BMPR2: variants seen among roughly 807,000 people sequenced by gnomAD.
The protein encoded by BMPR2 is bone morphogenetic protein receptor type 2.
Under a neutral mutation model 100.8 loss-of-function variants are expected in BMPR2, and 29 were observed. The observed-to-expected ratio is 0.29, with a 90% CI of 0.21 to 0.39. The LOEUF (loss-of-function observed/expected upper bound fraction) is 0.39. BMPR2 is among the 10% of genes least tolerant of loss of function. BMPR2 has a pLI of 1.00. For synonymous variants in BMPR2, 382 were observed against 442.3 expected, an observed-to-expected ratio of 0.86 and a Z score of 1.71; for missense variants, 1,011 against 1,274.5, an observed-to-expected ratio of 0.79 and a Z score of 3.15.
chr2:202,439,794 G>C (rs1479782797), intron 1 of BMPR2, among the ~76,000 whole-genome samples: 1 of 148,556 alleles, frequency 6.7e-6, no homozygotes, highest in East Asian at 1.9e-4. Context: ...GTGTTTCTCG[G>C]AGAGGGGGAT....
intron 1 of BMPR2, among the ~76,000 whole-genome samples, chr2:202,428,610 G>A (rs1328024187): frequency 6.6e-6 from 1 of 151,764 alleles, no homozygotes; most frequent in Non-Finnish European, 1.5e-5. Context: ...TCCTCGCTGT[G>A]TTGCCAGACT....
intron 1 of BMPR2, among the ~76,000 whole-genome samples, chr2:202,432,658 GTTTAT>G (rs773748676): frequency 1.3e-5 from 2 of 150,396 alleles, no homozygotes; most frequent in Non-Finnish European, 2.9e-5. Flanking sequence ...TGTGTTGACT[GTTTAT>G]TTTGTGATTT....
At chr2:202,421,165 C>T (rs1429276727) in intron 1 of BMPR2, among the ~76,000 whole-genome samples, 2 of 151,834 alleles carry the variant, frequency 1.3e-5, no homozygotes, top group Non-Finnish European at 2.9e-5. Flanking sequence ...ACAGGAGAAT[C>T]GCTTGAACCC....
At chr2:202,483,271 T>C (rs1037486754) in intron 3 of BMPR2, among the ~76,000 whole-genome samples, 6 of 152,164 alleles carry the variant, frequency 3.9e-5, no homozygotes, top group African/African-American at 1.2e-4. Context: ...TTATCAGATA[T>C]ATGATTTGCA....
chr2:202,418,364 T>C (rs1574437785), intron 1 of BMPR2, among the ~76,000 whole-genome samples: 1 of 152,186 alleles, frequency 6.6e-6, no homozygotes, highest in East Asian at 1.9e-4. Context: ...AGACATACAG[T>C]AAAGGCATCT....
chr2:202,429,852 G>C (rs185354861), intron 1 of BMPR2, among the ~76,000 whole-genome samples: 1 of 152,114 alleles, frequency 6.6e-6, no homozygotes, highest in Non-Finnish European at 1.5e-5. Context: ...ACTGTCATGA[G>C]AACAGCATGG....
intron 3 of BMPR2, among the ~76,000 whole-genome samples, chr2:202,478,427 G>T (rs1249663146): frequency 6.6e-6 from 1 of 152,198 alleles, no homozygotes; most frequent in Non-Finnish European, 1.5e-5. Flanking sequence ...TTTGGAATGG[G>T]TTGACAGAAC....
Position 202,560,971 on chromosome 2 carries a change from T to G in BMPR2, c.*1025T>G, listed in dbSNP as rs947360471. 1.3e-5 allele frequency: 2 copies of G among 152,170 alleles called. No homozygotes were observed. Among genetic ancestry groups the G allele is most frequent in the Non-Finnish European group, 2.9e-5 (2 of 68,008 alleles). The allele number at this position is 152,170 out of a possible 1,614,324, so 9.4% of individuals were successfully genotyped here. A position where few individuals can be genotyped will look rare whatever the true frequency, so the allele number is the denominator to read the frequency against. Reference sequence around the variant, plus strand: ...TAAATAAATGGTTAAGACAAAATAGTGTTATAGCCTTCATTCTCTGAATAG... The same window carrying G: ...TAAATAAATGGTTAAGACAAAATAGGGTTATAGCCTTCATTCTCTGAATAG... On this transcript the variant is annotated 3_prime_UTR_variant, in exon 13 of 13. Transcript: ENST00000374580.
intron 3 of BMPR2, among the ~76,000 whole-genome samples, chr2:202,469,848 GAAA>G (rs374919327): frequency 9.9e-5 from 15 of 152,192 alleles, no homozygotes; most frequent in South Asian, 2.1e-4. Context: ...ATAAGGGGGG[GAAA>G]AAAAGCCCTG....
Position 202,388,657 on chromosome 2 carries a change from G to A in BMPR2, c.76+11107G>A, listed in dbSNP as rs139843234. On this transcript the variant is annotated intron_variant, in intron 1 of 12. Transcript: ENST00000374580. ...AAAAGAATTAGTTGGGCATGGTGGT[G>A]GGTGCCTGTAGTCCCAGCTACTCAG... 7.3e-3 allele frequency among the ~76,000 whole-genome samples: 1,114 copies of A among 151,700 alleles called. 6 individuals carry two copies. The highest frequency in any genetic ancestry group is 0.031 in the Middle Eastern group (9 of 294).
intron 1 of BMPR2, among the ~76,000 whole-genome samples, chr2:202,452,050 G>A (rs1042456139): frequency 1.3e-5 from 2 of 152,074 alleles, no homozygotes; most frequent in African/African-American, 4.8e-5. Context: ...CACTGCGCCT[G>A]GCCAATTCGG....
chr2:202,533,086 C>A (rs1688057907), intron 9 of BMPR2, among the ~76,000 whole-genome samples: 1 of 152,120 alleles, frequency 6.6e-6, no homozygotes, highest in African/African-American at 2.4e-5. Context: ...TGAGTTGAAC[C>A]CAGAAGGAAT....
At chr2:202,436,166 T>C (rs1691610190) in intron 1 of BMPR2, among the ~76,000 whole-genome samples, 2 of 150,994 alleles carry the variant, frequency 1.3e-5, no homozygotes, top group East Asian at 1.9e-4. Flanking sequence ...AACTTAGTTT[T>C]ATCTTGGCTA....
chr2:202,384,689 G>A (rs1188037227), intron 1 of BMPR2, among the ~76,000 whole-genome samples: 1 of 151,616 alleles, frequency 6.6e-6, no homozygotes, highest in African/African-American at 2.4e-5. Flanking sequence ...CACCTCCCGG[G>A]TACAAGTGAT....
chr2:202,552,470 C>T (rs556730001), intron 10 of BMPR2, among the ~76,000 whole-genome samples: 2 of 152,298 alleles, frequency 1.3e-5, no homozygotes, highest in Admixed American at 1.3e-4. Context: ...GAAACATCTA[C>T]GACTTATTGT....
Position 202,565,923 on chromosome 2 carries a change from T to C in BMPR2, c.*5977T>C, listed in dbSNP as rs1288255708. On this transcript the variant is annotated 3_prime_UTR_variant, in exon 13 of 13. Transcript: ENST00000374580. ...AAGAATTTATGCTGTATATTAAAAC[T>C]AGGCTCAAAATAAATCTATCGTATC... 1.3e-5 allele frequency: 2 copies of C among 152,182 alleles called. No homozygotes were observed. The highest frequency in any genetic ancestry group is 2.9e-5 in the Non-Finnish European group (2 of 67,994). The allele number at this position is 152,182 out of a possible 1,614,324, so 9.4% of individuals were successfully genotyped here. A position where few individuals can be genotyped will look rare whatever the true frequency, so the allele number is the denominator to read the frequency against.
chr2:202,535,225 G>A (rs1459829065), intron 9 of BMPR2, among the ~76,000 whole-genome samples: 2 of 151,502 alleles, frequency 1.3e-5, no homozygotes, highest in Non-Finnish European at 2.9e-5. Context: ...GCTGCCGGGC[G>A]GAGACACTCC....
In BMPR2 at chr2:202,467,270, T is replaced by C. The variant is rs567294151; in HGVS notation, c.248-249T>C. 6.1e-4 allele frequency among the ~76,000 whole-genome samples: 93 copies of C among 152,212 alleles called. 2 individuals are homozygous for C. In the South Asian group the frequency reaches 0.019, roughly 31 times the overall value. On this transcript the variant is annotated intron_variant, in intron 2 of 12. Coordinates refer to ENST00000374580, the MANE Select transcript of BMPR2 (RefSeq NM_001204.7). ...AAGAGTGAAACTCCGCCTCAATAAA[T>C]AAATAAATAATTCTTAGATTAATCA...
chr2:202,459,491 A>G (rs564525695), intron 1 of BMPR2, among the ~76,000 whole-genome samples: 26 of 151,238 alleles, frequency 1.7e-4, no homozygotes, highest in Non-Finnish European at 3.5e-4. Flanking sequence ...CCCTCCTCCC[A>G]CCCTCCACCC....
Sources: gnomAD v4.1 joint callset for allele counts (sites outside exome capture counted in the v4.1 genomes callset) on GRCh38, gnomAD v4.1.1 for gene constraint, MANE v1.5 for transcripts, NCBI Gene and HGNC (gene_info 2026-07-23, HGNC 2026-07-21) for gene names.